The following PLEKHA7 variants were observed in gnomAD, a reference collection of about 807,000 sequenced individuals.
PLEKHA7 encodes pleckstrin homology domain-containing family A member 7.
In PLEKHA7, 104 loss-of-function variants were observed where a neutral mutation model predicts 170.0. That is an observed-to-expected ratio of 0.61 (90% confidence interval 0.52 to 0.72). The LOEUF (loss-of-function observed/expected upper bound fraction) is 0.72, where lower values mean the gene tolerates loss of function less well. PLEKHA7 is among the 30% of genes least tolerant of loss of function. The pLI, the probability that PLEKHA7 is intolerant of heterozygous loss-of-function variation, is 0.00. For missense variants in PLEKHA7, 1,615 were observed against 1,671.7 expected, an observed-to-expected ratio of 0.97 and a Z score of 0.59; for synonymous variants, 648 against 660.8, an observed-to-expected ratio of 0.98 and a Z score of 0.30.
intron 9 of PLEKHA7, among the ~76,000 whole-genome samples, chr11:16,831,386 C>T (rs1326307464): frequency 4.6e-5 from 7 of 152,140 alleles, no homozygotes; most frequent in African/African-American, 1.2e-4. Context: ...CTGCAATGCT[C>T]GATTTAGCAC....
chr11:16,979,536 T>C (rs1590772645), intron 3 of PLEKHA7, among the ~76,000 whole-genome samples: 2 of 152,312 alleles, frequency 1.3e-5, no homozygotes, highest in Non-Finnish European at 1.5e-5. Context: ...AACCCAATAA[T>C]AGGGGAACTG....
intron 3 of PLEKHA7, among the ~76,000 whole-genome samples, chr11:16,879,533 C>T (rs146279592): frequency 3.9e-5 from 6 of 152,222 alleles, no homozygotes; most frequent in African/African-American, 7.2e-5. Flanking sequence ...ATTCCCATAC[C>T]GTCCACATCT....
At chr11:16,803,154 T>C (rs1318768676) in intron 14 of PLEKHA7, 73 bp downstream of exon 14, 7 of 1,566,192 alleles carry the variant, frequency 4.5e-6, no homozygotes, top group Non-Finnish European at 6.2e-6. Flanking sequence ...ATCCAAGCCC[T>C]GCCTGAAGCT....
At chr11:16,854,751 C>A in intron 6 of PLEKHA7, 138 bp downstream of exon 6, 1 of 686,092 alleles carries the variant, frequency 1.5e-6, no homozygotes. Context: ...TGCAGTGCAG[C>A]AGGTAGAATC....
intron 3 of PLEKHA7, among the ~76,000 whole-genome samples, chr11:16,888,429 G>C (rs1408198312): frequency 6.6e-6 from 1 of 152,312 alleles, no homozygotes; most frequent in Non-Finnish European, 1.5e-5. Flanking sequence ...AGGGGATGGA[G>C]AGGTCGGATT....
chr11:16,790,128 T>G, intron 21 of PLEKHA7: 1 of 502,574 alleles, frequency 2.0e-6, no homozygotes, highest in Non-Finnish European at 3.6e-6. Context: ...CAGGCTTCCC[T>G]TACATGCAGA....
chr11:17,010,796 A>G (rs549156387), intron 3 of PLEKHA7, among the ~76,000 whole-genome samples: 27 of 152,304 alleles, frequency 1.8e-4, no homozygotes, highest in African/African-American at 6.3e-4. Flanking sequence ...CAACACAAAA[A>G]TCAAACATTC....
intron 13 of PLEKHA7, among the ~76,000 whole-genome samples, chr11:16,807,941 A>G (rs1590184826): frequency 2.0e-5 from 3 of 152,238 alleles, no homozygotes; most frequent in South Asian, 2.1e-4. Context: ...AGGATTGAGA[A>G]GCACTGCCCT....
intron 17 of PLEKHA7, among the ~76,000 whole-genome samples, chr11:16,800,086 C>A (rs949632007): frequency 2.6e-5 from 4 of 152,222 alleles, no homozygotes; most frequent in Non-Finnish European, 4.4e-5. Flanking sequence ...AAGCCCAGCA[C>A]CAAAAGTGGC....
At chr11:16,841,524 A>C in intron 9 of PLEKHA7, 23 bp downstream of exon 9, 1 of 1,605,742 alleles carries the variant, frequency 6.2e-7, no homozygotes, top group Non-Finnish European at 8.5e-7. Flanking sequence ...GTGCTGTGGC[A>C]GGGACCCTCC....
chr11:16,868,305 T>C (rs11024063), intron 4 of PLEKHA7, among the ~76,000 whole-genome samples: 68,253 of 152,104 alleles, frequency 0.45, 16,741 homozygotes, highest in East Asian at 0.65. Context: ...TCAGAACTCA[T>C]GTCCCCTGGA....
chr11:16,794,133 C>A (rs1050238363), intron 19 of PLEKHA7, among the ~76,000 whole-genome samples: 1 of 151,962 alleles, frequency 6.6e-6, no homozygotes, highest in South Asian at 2.1e-4. Flanking sequence ...GAGCCCCCTG[C>A]GGATTTGCAC....
intron 3 of PLEKHA7, among the ~76,000 whole-genome samples, chr11:16,996,738 C>G (rs1378000977): frequency 6.6e-6 from 1 of 152,108 alleles, no homozygotes; most frequent in Non-Finnish European, 1.5e-5. Flanking sequence ...AGATCGAGAC[C>G]ATCCTGGCTA....
intron 9 of PLEKHA7, 63 bp from the exon 10 acceptor site, chr11:16,826,653 T>C: frequency 7.0e-7 from 1 of 1,425,386 alleles, no homozygotes; most frequent in Non-Finnish European, 9.7e-7. Context: ...AAATGCACTG[T>C]ACACTCAATC....
At chr11:16,820,828 T>C (rs1237343729) in intron 10 of PLEKHA7, among the ~76,000 whole-genome samples, 1 of 152,102 alleles carries the variant, frequency 6.6e-6, no homozygotes, top group Non-Finnish European at 1.5e-5. Context: ...CATTTACACA[T>C]AGTCTGCCAT....
In PLEKHA7 at chr11:16,790,812, G is replaced by A. The variant is rs767034443; in HGVS notation, c.3038C>T (p.Thr1013Met). ...CCCTGCCTTACCTCTGCCTGGCAGC[G>A]TCTGGTACCTGCTCTCAGGGCCCAC... ...GLVGPESRYQ[T>M]LPGRGLSGST... Residue 1013 changes from threonine (T) to methionine (M), a missense_variant, in exon 21 of 27, where the codon ACG becomes ATG. Physicochemically the swap from Thr to Met is moderately conservative, Grantham distance 81. Coordinates refer to ENST00000531066, the MANE Select transcript of PLEKHA7 (RefSeq NM_001329630.2). 2.4e-5 allele frequency: 39 copies of A among 1,608,894 alleles called. No homozygotes were observed. The highest frequency in any genetic ancestry group is 1.1e-4 in the East Asian group (5 of 44,624).
At chr11:16,812,768 G>A (rs1409751631) in intron 13 of PLEKHA7, among the ~76,000 whole-genome samples, 1 of 152,182 alleles carries the variant, frequency 6.6e-6, no homozygotes, top group African/African-American at 2.4e-5. Flanking sequence ...ACCCACATTA[G>A]TGAACCAAAC....
chr11:16,944,024 G>T (rs762477252), intron 3 of PLEKHA7, among the ~76,000 whole-genome samples: 1 of 152,214 alleles, frequency 6.6e-6, no homozygotes, highest in Non-Finnish European at 1.5e-5. Context: ...TTTTGATGTT[G>T]TCTCTTTGGG....
intron 3 of PLEKHA7, among the ~76,000 whole-genome samples, chr11:16,890,946 G>A (rs1856567386): frequency 6.6e-6 from 1 of 151,734 alleles, no homozygotes; most frequent in African/African-American, 2.4e-5. Context: ...CTGTCACCCA[G>A]GCTGGAGTGG....
Sources: allele counts gnomAD v4.1 joint callset (sites outside exome capture counted in the v4.1 genomes callset), GRCh38; gene constraint gnomAD v4.1.1; transcripts MANE v1.5; gene names NCBI Gene and HGNC (gene_info 2026-07-23, HGNC 2026-07-21).